STX3: variants seen among roughly 807,000 people sequenced by gnomAD.
The protein encoded by STX3 is syntaxin 3.
A neutral mutation model predicts 40.2 loss-of-function variants in STX3; 19 were observed. That is an observed-to-expected ratio of 0.47 (90% confidence interval 0.33 to 0.69). STX3 has a LOEUF of 0.69. STX3 is among the 30% of genes least tolerant of loss of function. STX3 has a pLI of 0.02. For missense variants in STX3, 364 were observed against 366.7 expected (o/e 0.99, Z 0.06); for synonymous variants, 122 against 132.2 (o/e 0.92, Z 0.53).
rs1422246984 is a variant in STX3, at chr11:59,790,596, T to C, written c.357+10T>C. The C allele has an allele frequency of 5.0e-6, 8 of 1,609,766 alleles. No homozygotes were observed. The South Asian group carries it at 5.5e-5, about 11-fold the overall frequency. Reference sequence around the variant, plus strand: ...GATTCGGAAATCCCAGGTAAGACTTTTCCTGGTCTCATGATTAGCTAGTCC... The same window carrying C: ...GATTCGGAAATCCCAGGTAAGACTTCTCCTGGTCTCATGATTAGCTAGTCC... On this transcript the variant is annotated intron_variant, in intron 5 of 10. Coordinates refer to ENST00000337979, the MANE Select transcript of STX3 (RefSeq NM_004177.5).
At chr11:59,785,983 G>C (rs1238103706) in intron 2 of STX3, among the ~76,000 whole-genome samples, 2 of 152,174 alleles carry the variant, frequency 1.3e-5, no homozygotes, top group African/African-American at 2.4e-5. Flanking sequence ...GCTCACACAG[G>C]AATGTCTGAC....
At chr11:59,763,753 C>T (rs1053544168) in intron 1 of STX3, among the ~76,000 whole-genome samples, 3 of 152,202 alleles carry the variant, frequency 2.0e-5, no homozygotes, top group African/African-American at 7.2e-5. Flanking sequence ...CGCGGTGGCT[C>T]ATGCCTATAA....
chr11:59,800,058 T>C, intron 10 of STX3: 5 of 985,484 alleles, frequency 5.1e-6, no homozygotes, highest in Non-Finnish European at 6.0e-6. Flanking sequence ...TTTCAGGACG[T>C]AACTCCTCAA....
At chr11:59,781,517 G>A in intron 2 of STX3, 1 of 1,613,820 alleles carries the variant, frequency 6.2e-7, no homozygotes, top group Non-Finnish European at 8.5e-7. Context: ...TCTCTCCCAG[G>A]GTACAAGAAA....
chr11:59,798,516 C>T (rs1865669372), intron 10 of STX3, among the ~76,000 whole-genome samples: 1 of 144,210 alleles, frequency 6.9e-6, no homozygotes, highest in Non-Finnish European at 1.5e-5. Flanking sequence ...AAACAAAAAA[C>T]GTTTTTGTTG....
rs547157707 is a variant in STX3, at chr11:59,772,094, T to A, written c.31-1117T>A. ...ATGGTCGTGGGTGAAGGAAAGAGGC[T>A]TCTGGTGGCATTCATTGCCCATGGA... On this transcript the variant is annotated intron_variant, in intron 1 of 10. Coordinates refer to ENST00000337979, the MANE Select transcript of STX3 (RefSeq NM_004177.5). Among the ~76,000 whole-genome samples, 4 of 152,312 alleles carry A rather than the reference T, an allele frequency of 2.6e-5. No homozygotes were observed. The East Asian group carries it at 5.8e-4, about 22-fold the overall frequency.
chr11:59,797,680 G>A (rs1865604390), intron 10 of STX3, among the ~76,000 whole-genome samples: 1 of 152,212 alleles, frequency 6.6e-6, no homozygotes, highest in African/African-American at 2.4e-5. Context: ...CACCCCAGGT[G>A]ACTCCCCTTA....
rs978772032 is a variant in STX3 at position 59,761,818 on chromosome 11, G to T, written c.30+6183G>T. On this transcript the variant is annotated intron_variant, in intron 1 of 10. Coordinates refer to ENST00000337979, the MANE Select transcript of STX3 (RefSeq NM_004177.5). ...TAGGACAGCTCAGTATGGCATCAGG[G>T]TTTTTTTTTTTTTAATAAATTTTTA... 1.1e-4 allele frequency among the ~76,000 whole-genome samples: 16 copies of T among 143,682 alleles called. No individual in the cohort carries two copies. In the South Asian group the frequency reaches 3.6e-3, roughly 32 times the overall value. The allele number at this position is 143,682 out of a possible 152,430, so 94.3% of individuals were successfully genotyped here.
At chr11:59,773,606 A>G (rs1160432319) in intron 2 of STX3, among the ~76,000 whole-genome samples, 2 of 152,220 alleles carry the variant, frequency 1.3e-5, no homozygotes, top group Non-Finnish European at 2.9e-5. Flanking sequence ...CAAATACAGA[A>G]TCAACCATAG....
intron 4 of STX3, among the ~76,000 whole-genome samples, chr11:59,789,622 G>C (rs914742623): frequency 6.6e-6 from 1 of 152,026 alleles, no homozygotes; most frequent in African/African-American, 2.4e-5. Flanking sequence ...TGTATTTTTA[G>C]TAGAGACGAG....
At chr11:59,779,082 C>T (rs542756844) in intron 2 of STX3, among the ~76,000 whole-genome samples, 27 of 152,276 alleles carry the variant, frequency 1.8e-4, no homozygotes, top group Admixed American at 1.6e-3. Flanking sequence ...AGGTGATCTG[C>T]CCGCCTTGGC....
intron 2 of STX3, among the ~76,000 whole-genome samples, chr11:59,780,971 A>G (rs1200555776): frequency 6.6e-6 from 1 of 152,154 alleles, no homozygotes; most frequent in Non-Finnish European, 1.5e-5. Flanking sequence ...TTCATTCATA[A>G]AAGGAGAATT....
chr11:59,764,452 T>C (rs1280381057), intron 1 of STX3, among the ~76,000 whole-genome samples: 6 of 152,196 alleles, frequency 3.9e-5, no homozygotes, highest in African/African-American at 1.4e-4. Flanking sequence ...TAAGACCATA[T>C]AGCTATTAAA....
rs72931236 is a variant in STX3, at chr11:59,760,358, C to T, written c.30+4723C>T. ...CTGTAACTGCAACTTAGAATACTCT[C>T]CTCCATTCTTGCAGCTCTCACGGGG... On this transcript the variant is annotated intron_variant, in intron 1 of 10. Transcript: ENST00000337979. Among the ~76,000 whole-genome samples, 1,008 of 151,552 alleles carry T rather than the reference C, an allele frequency of 6.7e-3. 7 individuals are homozygous for T. The highest frequency in any genetic ancestry group is 0.011 in the Non-Finnish European group (754 of 67,906).
chr11:59,766,204 A>T (rs1355774134), intron 1 of STX3, among the ~76,000 whole-genome samples: 1 of 152,142 alleles, frequency 6.6e-6, no homozygotes, highest in African/African-American at 2.4e-5. Flanking sequence ...ATCTGGGATG[A>T]CTTCCTTTTT....
At chr11:59,789,656 G>T (rs1195403680) in intron 4 of STX3, among the ~76,000 whole-genome samples, 1 of 152,116 alleles carries the variant, frequency 6.6e-6, no homozygotes, top group Non-Finnish European at 1.5e-5. Context: ...GGCCAGGCTG[G>T]TCTCGAACTT....
intron 10 of STX3, among the ~76,000 whole-genome samples, chr11:59,797,641 G>A (rs1178657338): frequency 6.6e-6 from 1 of 152,120 alleles, no homozygotes; most frequent in African/African-American, 2.4e-5. Context: ...CTGTCTTGTC[G>A]TATTACCACT....
At chr11:59,800,132 T>C in intron 10 of STX3, 1 of 985,428 alleles carries the variant, frequency 1.0e-6, no homozygotes, top group Non-Finnish European at 1.2e-6. Flanking sequence ...CCTGCTAAAT[T>C]GCTGAGCAGT....
rs1391428730 is a variant in STX3 at position 59,793,442 on chromosome 11, T to C, written c.603T>C (p.Ile201=). ...AGATTGAGGGACGACACAAGGACAT[T>C]GTGAGGCTGGAGAGCAGCATCAAGG... The part of the protein sequence containing the change: ...LSEIEGRHKD[I]VRLESSIKEL... The change falls in exon 8 of 11, where the codon ATT becomes ATC. Residue 201 remains isoleucine, a synonymous_variant. Coordinates refer to ENST00000337979, the MANE Select transcript of STX3 (RefSeq NM_004177.5). 2.5e-6 allele frequency: 4 copies of C among 1,614,008 alleles called. No individual in the cohort carries two copies. Among genetic ancestry groups the C allele is most frequent in the Non-Finnish European group, 3.4e-6 (4 of 1,180,036 alleles).
Sources: gnomAD v4.1 joint callset for allele counts (sites outside exome capture counted in the v4.1 genomes callset) on GRCh38, gnomAD v4.1.1 for gene constraint, MANE v1.5 for transcripts, NCBI Gene and HGNC (gene_info 2026-07-23, HGNC 2026-07-21) for gene names.